MAPK10: variants seen among roughly 807,000 people sequenced by gnomAD.
MAPK10 encodes JNK3 alpha protein kinase.
MAPK10 carries 25 observed loss-of-function variants against 59.3 expected under a neutral mutation model. That is an observed-to-expected ratio of 0.42 (90% CI 0.31 to 0.59). The LOEUF (loss-of-function observed/expected upper bound fraction) is 0.59, where lower values mean the gene tolerates loss of function less well. Among genes scored for constraint, MAPK10 ranks in the 20% least tolerant of loss-of-function variants. MAPK10 has a pLI of 0.15. For missense variants in MAPK10, 351 were observed against 568.9 expected, an observed-to-expected ratio of 0.62 and a Z score of 3.90; for synonymous variants, 190 against 200.5, an observed-to-expected ratio of 0.95 and a Z score of 0.44.
intron 4 of MAPK10, 168 bp downstream of exon 4, chr4:86,159,130 C>A: frequency 2.1e-6 from 1 of 465,362 alleles, no homozygotes. Context: ...AAGTGGATAA[C>A]AAATTAAACA....
intron 9 of MAPK10, chr4:86,081,787 T>G (rs1450536807): frequency 6.6e-6 from 1 of 152,076 alleles, no homozygotes; most frequent in Non-Finnish European, 1.5e-5. Flanking sequence ...AAGTTTAAAA[T>G]GTGTATGCCT....
At chr4:86,046,211 T>C (rs911864104) in intron 11 of MAPK10, among the ~76,000 whole-genome samples, 5 of 151,718 alleles carry the variant, frequency 3.3e-5, no homozygotes, top group African/African-American at 1.2e-4. Context: ...TGGACTGAGA[T>C]GATGGGGTTT....
At chr4:86,098,324 T>C (rs2054618390) in intron 9 of MAPK10, 200 bp downstream of exon 9, 7 of 573,434 alleles carry the variant, frequency 1.2e-5, no homozygotes, top group Admixed American at 4.1e-5. Context: ...AAAAAGCCCA[T>C]TGAAATTTAA....
intron 1 of MAPK10, among the ~76,000 whole-genome samples, chr4:86,496,899 C>T (rs575196155): frequency 2.0e-5 from 3 of 152,188 alleles, no homozygotes; most frequent in South Asian, 2.1e-4. Flanking sequence ...GTTCTGCCTC[C>T]CATCCTGCAA....
At chr4:86,164,558 T>G (rs967547673) in intron 3 of MAPK10, 1 of 152,156 alleles carries the variant, frequency 6.6e-6, no homozygotes, top group Non-Finnish European at 1.5e-5. Context: ...TTTCTTTATA[T>G]AATAAACCTG....
In MAPK10 at chr4:86,267,610, G is replaced by C. The variant is rs1015622761; in HGVS notation, c.-6-73203C>G. Among the ~76,000 whole-genome samples, 3 of 151,986 alleles carry C rather than the reference G, an allele frequency of 2.0e-5. No individual in the cohort carries two copies. The South Asian group carries it at 6.2e-4, about 32-fold the overall frequency. Reference sequence around the variant, plus strand: ...TCTGCTGCCATTCTCCTTATCCCCAGTTCATTTATGTTGACCTCTTTGCAG... The same window carrying C: ...TCTGCTGCCATTCTCCTTATCCCCACTTCATTTATGTTGACCTCTTTGCAG... On this transcript the variant is annotated intron_variant, in intron 2 of 13. Coordinates refer to ENST00000641462, the MANE Select transcript of MAPK10 (RefSeq NM_138982.4).
chr4:86,517,057 A>G (rs1756722854), intron 1 of MAPK10, among the ~76,000 whole-genome samples: 2 of 152,108 alleles, frequency 1.3e-5, no homozygotes, highest in Admixed American at 6.6e-5. Context: ...TATGTCATAG[A>G]TGGCTTTTAT....
At chr4:86,375,489 G>A (rs534572369) in intron 1 of MAPK10, among the ~76,000 whole-genome samples, 1 of 152,180 alleles carries the variant, frequency 6.6e-6, no homozygotes, top group East Asian at 1.9e-4. Flanking sequence ...GGGGTGCCAA[G>A]GCAGGTGGAT....
At chr4:86,325,537 C>T (rs971803806) in intron 2 of MAPK10, among the ~76,000 whole-genome samples, 1 of 152,090 alleles carries the variant, frequency 6.6e-6, no homozygotes, top group Non-Finnish European at 1.5e-5. Flanking sequence ...AAATACAGCC[C>T]TATTTATGAG....
chr4:86,209,971 A>T (rs1284651455), intron 2 of MAPK10, among the ~76,000 whole-genome samples: 2 of 152,070 alleles, frequency 1.3e-5, no homozygotes, highest in Non-Finnish European at 2.9e-5. Flanking sequence ...AAACAAATCC[A>T]TACATCTACA....
chr4:86,370,524 T>A (rs1738597989), intron 1 of MAPK10, among the ~76,000 whole-genome samples: 1 of 152,002 alleles, frequency 6.6e-6, no homozygotes, highest in Non-Finnish European at 1.5e-5. Flanking sequence ...GAAAAAGAAA[T>A]CTGAGAAATG....
chr4:86,436,527 T>A (rs1373223138), intron 1 of MAPK10, among the ~76,000 whole-genome samples: 1 of 152,134 alleles, frequency 6.6e-6, no homozygotes, highest in Non-Finnish European at 1.5e-5. Context: ...ATGTATTTTT[T>A]AATTGTTTTT....
chr4:86,221,427 A>T (rs1456513746), intron 2 of MAPK10, among the ~76,000 whole-genome samples: 1 of 152,056 alleles, frequency 6.6e-6, no homozygotes, highest in Non-Finnish European at 1.5e-5. Flanking sequence ...AGGCACATTG[A>T]TATGGTTTGG....
chr4:86,072,119 G>C (rs1470070479), intron 9 of MAPK10, among the ~76,000 whole-genome samples: 4 of 150,570 alleles, frequency 2.7e-5, no homozygotes, highest in African/African-American at 9.9e-5. Context: ...TCCCTTGTAA[G>C]TTGGATTCCT....
At chr4:86,190,216 G>A (rs1388504936) in intron 3 of MAPK10, among the ~76,000 whole-genome samples, 1 of 152,032 alleles carries the variant, frequency 6.6e-6, no homozygotes, top group East Asian at 1.9e-4. Flanking sequence ...TTCTTTTTAC[G>A]CTGTGTCTCT....
At chr4:86,319,385 A>G (rs113799790) in intron 2 of MAPK10, among the ~76,000 whole-genome samples, 1,581 of 152,332 alleles carry the variant, frequency 0.01, 24 homozygotes, top group African/African-American at 0.036. Flanking sequence ...ATGGAGACAT[A>G]CATTTCTCCA....
chr4:86,273,329 C>T (rs2094486723), intron 2 of MAPK10, among the ~76,000 whole-genome samples: 1 of 151,980 alleles, frequency 6.6e-6, no homozygotes, highest in African/African-American at 2.4e-5. Flanking sequence ...TTAGCTAAAT[C>T]CAAAAATCCT....
At chr4:86,335,362 C>T (rs936650196) in intron 2 of MAPK10, among the ~76,000 whole-genome samples, 3 of 152,236 alleles carry the variant, frequency 2.0e-5, no homozygotes, top group Admixed American at 6.5e-5. Context: ...GGTATACAAA[C>T]AATATGTGAA....
chr4:86,420,029 C>T (rs535556523), intron 1 of MAPK10, among the ~76,000 whole-genome samples: 2 of 152,304 alleles, frequency 1.3e-5, no homozygotes, highest in African/African-American at 4.8e-5. Flanking sequence ...CCAAGTGCTA[C>T]ACCATCCACT....
Sources: gnomAD v4.1 joint callset for allele counts (sites outside exome capture counted in the v4.1 genomes callset) on GRCh38, gnomAD v4.1.1 for gene constraint, MANE v1.5 for transcripts, NCBI Gene and HGNC (gene_info 2026-07-23, HGNC 2026-07-21) for gene names.